Variants in KMT2C observed in about 807,000 individuals in gnomAD.
KMT2C encodes histone-lysine N-methyltransferase 2C.
KMT2C carries 88 observed loss-of-function variants against 507.9 expected under a neutral mutation model. The observed-to-expected ratio is 0.17, with a 90% confidence interval of 0.15 to 0.21. KMT2C has a LOEUF of 0.21. KMT2C is among the 10% of genes least tolerant of loss of function. KMT2C has a pLI of 1.00. For synonymous variants in KMT2C, 2,049 were observed against 2,080.8 expected (o/e 0.98, Z 0.42); for missense variants, 4,954 against 5,957.8 (o/e 0.83, Z 5.55).
intron 1 of KMT2C, among the ~76,000 whole-genome samples, chr7:152,408,363 A>T (rs1407751920): frequency 6.6e-6 from 1 of 152,234 alleles, no homozygotes; most frequent in Non-Finnish European, 1.5e-5. Context: ...TATACTATAC[A>T]TATGTCTACT....
chr7:152,360,027 C>T lies in KMT2C; in HGVS notation c.162-1352G>A, dbSNP rs568851916. Reference sequence around the variant, plus strand: ...TCATGCCACTGCACTCCAGCCTGGGCGACAGAGTGAGACTGTCTCAAACAC... The same window carrying T: ...TCATGCCACTGCACTCCAGCCTGGGTGACAGAGTGAGACTGTCTCAAACAC... On this transcript the variant is annotated intron_variant, in intron 1 of 58. Coordinates refer to ENST00000262189, the MANE Select transcript of KMT2C (RefSeq NM_170606.3). 1.3e-4 allele frequency among the ~76,000 whole-genome samples: 15 copies of T among 113,288 alleles called. 1 individual carries two copies. In the South Asian group the frequency reaches 2.0e-3, roughly 15 times the overall value. The allele number at this position is 113,288 out of a possible 152,430, so 74.3% of individuals were successfully genotyped here. A position where few individuals can be genotyped will look rare whatever the true frequency, so the allele number is the denominator to read the frequency against.
chr7:152,255,109 TTATATATATATATATATATATATATA>T (rs1207305132), intron 9 of KMT2C, among the ~76,000 whole-genome samples: 20 of 78,350 alleles, frequency 2.6e-4, no homozygotes, highest in South Asian at 2.2e-3. Context: ...CAACTCTCAC[TTATATATATATATATATATATATATA>T]TATATATATA....
rs2093206982 is a variant in KMT2C, at chr7:152,176,278, A to G, written c.9175T>C (p.Leu3059=). The G allele has an allele frequency of 1.2e-6, 2 of 1,614,136 alleles. No homozygotes were observed. The highest frequency in any genetic ancestry group is 2.2e-5 in the East Asian group (1 of 44,876). The change falls in exon 38 of 59, where the codon TTG becomes CTG. Residue 3059 remains leucine, a synonymous_variant. Transcript: ENST00000262189. ...TGCTGTTCTTGCCTTTCTTGATCCA[A>G]AAGATCCTGTAGAAGTAGAGGCTGT... The part of the protein sequence containing the change: ...EEQPLLLQDL[L]DQERQEQQQQ...
At chr7:152,393,374 T>A (rs528830516) in intron 1 of KMT2C, among the ~76,000 whole-genome samples, 1 of 152,236 alleles carries the variant, frequency 6.6e-6, no homozygotes, top group East Asian at 1.9e-4. Context: ...ATATAACAAA[T>A]ACTTACTTTC....
rs763300791 is a variant in KMT2C, at chr7:152,199,337, A to T, written c.4215T>A (p.Asp1405Glu). 1.9e-6 allele frequency: 3 copies of T among 1,605,492 alleles called. No homozygotes were observed. In the African/African-American group the frequency reaches 4.0e-5, roughly 22 times the overall value. Residue 1405 changes from aspartate to glutamate, a missense_variant, in exon 27 of 59, where the codon GAT becomes GAA. Physicochemically the swap from Asp to Glu is conservative, Grantham distance 45. Transcript: ENST00000262189. ...AACTAAGTAGTGGATCTAAGGAAGG[A>T]TCCAAGAAACCTGTGTTCATGTTTG... ...YKTNMNTGFL[D>E]PSLDPLLSSS...
rs559894034 is a variant in KMT2C at position 152,237,800 on chromosome 7, G to A, written c.2652+907C>T. 2.5e-3 allele frequency among the ~76,000 whole-genome samples: 378 copies of A among 152,166 alleles called. 1 individual carries two copies. The highest frequency in any genetic ancestry group is 8.6e-3 in the African/African-American group (359 of 41,528). On this transcript the variant is annotated intron_variant, in intron 15 of 58. Coordinates refer to ENST00000262189, the MANE Select transcript of KMT2C (RefSeq NM_170606.3). ...CAGGCATGAGCCACTGCGCCCGGCC[G>A]AGTTTGTTTTGTTTTTAAATTGGTA...
At chr7:152,265,533 G>A (rs2095847238) in intron 7 of KMT2C, among the ~76,000 whole-genome samples, 1 of 152,066 alleles carries the variant, frequency 6.6e-6, no homozygotes, top group East Asian at 1.9e-4. Flanking sequence ...CTCAATATAT[G>A]CTTACTGGAA....
chr7:152,292,165 T>C (rs1263798736), intron 6 of KMT2C, among the ~76,000 whole-genome samples: 1 of 152,210 alleles, frequency 6.6e-6, no homozygotes, highest in East Asian at 1.9e-4. Context: ...ATAATAAATA[T>C]AATGCTTTGC....
At chr7:152,372,696 A>G (rs1489353382) in intron 1 of KMT2C, among the ~76,000 whole-genome samples, 1 of 152,212 alleles carries the variant, frequency 6.6e-6, no homozygotes, top group East Asian at 1.9e-4. Flanking sequence ...ACATGCCCCA[A>G]TTTGGAGCAC....
At chr7:152,428,012 ATAT>A (rs1169797352) in intron 1 of KMT2C, among the ~76,000 whole-genome samples, 2 of 152,108 alleles carry the variant, frequency 1.3e-5, no homozygotes, top group African/African-American at 2.4e-5. Context: ...TCCTGTCTCC[ATAT>A]TATTACCACA....
In KMT2C at chr7:152,318,424, A is replaced by G. The variant is rs374501951; in HGVS notation, c.390-3086T>C. 4.0e-5 allele frequency among the ~76,000 whole-genome samples: 6 copies of G among 151,838 alleles called. No individual in the cohort carries two copies. In the East Asian group the frequency reaches 9.7e-4, roughly 25 times the overall value. ...GAAATCACTCTGGCCAACATGGTGA[A>G]GCACACACCACCCACCCACCCCCTC... On this transcript the variant is annotated intron_variant, in intron 3 of 58. Transcript: ENST00000262189.
chr7:152,324,593 C>A (rs2096807982), intron 3 of KMT2C, among the ~76,000 whole-genome samples: 1 of 151,640 alleles, frequency 6.6e-6, no homozygotes, highest in African/African-American at 2.4e-5. Flanking sequence ...AAGTGGGGAG[C>A]AAATTTATGG....
intron 1 of KMT2C, among the ~76,000 whole-genome samples, chr7:152,430,420 T>A (rs905281587): frequency 6.6e-6 from 1 of 152,106 alleles, no homozygotes; most frequent in Non-Finnish European, 1.5e-5. Flanking sequence ...TAAAGTTTAT[T>A]CCATGGCAGC....
rs757221096 is a variant in KMT2C at position 152,181,929 on chromosome 7, T to C, written c.5931A>G (p.Gln1977=). Residue 1977 remains glutamine, a synonymous_variant, in exon 36 of 59, where the codon CAA becomes CAG. Coordinates refer to ENST00000262189, the MANE Select transcript of KMT2C (RefSeq NM_170606.3). ...PDTPRPVMTD[Q]FPKSLGLSRS... is the part of the protein sequence containing the mutation. ...GGGATAGGCCCAAGGATTTGGGAAA[T>C]TGATCTGTCATCACAGGCCTAGGTG... The C allele has an allele frequency of 8.1e-6, 13 of 1,614,042 alleles. No homozygotes were observed. In the Admixed American group the frequency reaches 1.0e-4, roughly 12 times the overall value.
At chr7:152,258,312 ATGAT>A (rs1722098327) in intron 9 of KMT2C, among the ~76,000 whole-genome samples, 2 of 152,228 alleles carry the variant, frequency 1.3e-5, no homozygotes, top group African/African-American at 4.8e-5. Context: ...TGAGTTGTAA[ATGAT>A]TGAAGATAAT....
At chr7:152,313,288 G>A (rs1029894949) in intron 4 of KMT2C, among the ~76,000 whole-genome samples, 1 of 151,818 alleles carries the variant, frequency 6.6e-6, no homozygotes, top group Non-Finnish European at 1.5e-5. Context: ...TGTTGTTTTA[G>A]CATACTGTTT....
intron 1 of KMT2C, chr7:152,367,757 T>G: frequency 4.8e-6 from 5 of 1,043,454 alleles, no homozygotes; most frequent in Middle Eastern, 3.0e-4. Context: ...ACATTGATAG[T>G]AAATCTGAGG....
At position 152,398,453 on chromosome 7, in the gene KMT2C, T is replaced by C. The variant is rs532717963; in HGVS notation, c.161+37173A>G. Among the ~76,000 whole-genome samples, 8 of 152,280 alleles carry C rather than the reference T, an allele frequency of 5.3e-5. No individual in the cohort carries two copies. In the East Asian group the frequency reaches 1.3e-3, roughly 26 times the overall value. ...ATGGATATAAGTACATACACATACA[T>C]AGAAATAGCAAAGGTATACCCATAA... On this transcript the variant is annotated intron_variant, in intron 1 of 58. Transcript: ENST00000262189.
Position 152,181,682 on chromosome 7 carries a change from C to G in KMT2C, c.6178G>C (p.Val2060Leu), listed in dbSNP as rs1459251882. 1.2e-6 allele frequency: 2 copies of G among 1,614,134 alleles called. No individual in the cohort carries two copies. Among genetic ancestry groups the G allele is most frequent in the Admixed American group, 3.3e-5 (2 of 60,020 alleles). ...PPSSQDPYGS[V>L]SQASRRLSVD... Reference sequence around the variant, plus strand: ...GACAATCGCCTTGATGCCTGTGACACTGATCCATAAGGATCCTGAGAGGAT... The same window carrying G: ...GACAATCGCCTTGATGCCTGTGACAGTGATCCATAAGGATCCTGAGAGGAT... Residue 2060 changes from valine to leucine, a missense_variant, in exon 36 of 59, where the codon GTG becomes CTG. Physicochemically the swap from Val to Leu is conservative, Grantham distance 32. Transcript: ENST00000262189.
Sources: allele counts gnomAD v4.1 joint callset (sites outside exome capture counted in the v4.1 genomes callset), GRCh38; gene constraint gnomAD v4.1.1; transcripts MANE v1.5; gene names NCBI Gene and HGNC (gene_info 2026-07-23, HGNC 2026-07-21).